The following MMP26 variants were observed in gnomAD, a reference collection of about 807,000 sequenced individuals.
The protein encoded by MMP26 is matrix metalloproteinase-26.
MMP26 carries 33 observed loss-of-function variants against 31.0 expected under a neutral mutation model. That is an observed-to-expected ratio of 1.06 (90% confidence interval 0.81 to 1.42). The LOEUF is 1.42. MMP26 is among the 40% of genes most tolerant of loss of function. MMP26 has a pLI of 0.00. For synonymous variants in MMP26, 122 were observed against 114.9 expected (o/e 1.06, Z -0.40); for missense variants, 347 against 316.1 (o/e 1.10, Z -0.74).
chr11:4,856,587 C>A (rs938826422), intron 2 of MMP26, among the ~76,000 whole-genome samples: 19 of 152,144 alleles, frequency 1.2e-4, no homozygotes, highest in Non-Finnish European at 2.9e-5. Context: ...CCTGAGTGAC[C>A]TACAAAGAGA....
chr11:4,985,348 A>G (rs1330279744), intron 2 of MMP26, among the ~76,000 whole-genome samples: 3 of 152,226 alleles, frequency 2.0e-5, no homozygotes, highest in Non-Finnish European at 4.4e-5. Context: ...GTTATCAGGA[A>G]TAACAATCTC....
chr11:4,804,339 G>A (rs1849233856), intron 2 of MMP26: 1 of 1,614,162 alleles, frequency 6.2e-7, no homozygotes, highest in African/African-American at 1.3e-5. Flanking sequence ...GCAGGATGAA[G>A]GACACAGGAT....
chr11:4,751,532 G>C (rs1848446782), intron 1 of MMP26, among the ~76,000 whole-genome samples: 1 of 152,142 alleles, frequency 6.6e-6, no homozygotes, highest in African/African-American at 2.4e-5. Flanking sequence ...GCATGCATTT[G>C]AAGAAGTCGT....
chr11:4,779,034 C>G (rs1276109726), intron 2 of MMP26, among the ~76,000 whole-genome samples: 2 of 151,992 alleles, frequency 1.3e-5, no homozygotes, highest in African/African-American at 4.8e-5. Context: ...TGTAAATGCA[C>G]AGTCATGTCA....
chr11:4,932,699 T>C (rs1374779760), intron 2 of MMP26, among the ~76,000 whole-genome samples: 1 of 152,112 alleles, frequency 6.6e-6, no homozygotes, highest in South Asian at 2.1e-4. Flanking sequence ...TTTGGATCAC[T>C]TAGTTTTGGA....
intron 2 of MMP26, among the ~76,000 whole-genome samples, chr11:4,815,198 C>T (rs972640078): frequency 6.6e-5 from 10 of 152,136 alleles, no homozygotes; most frequent in Admixed American, 3.3e-4. Flanking sequence ...TCAGTGACTG[C>T]GTTTTTACAT....
At chr11:4,713,145 A>G (rs1469164483) in intron 1 of MMP26, among the ~76,000 whole-genome samples, 1 of 152,052 alleles carries the variant, frequency 6.6e-6, no homozygotes, top group African/African-American at 2.4e-5. Context: ...AGAAAACTGC[A>G]ATATATTAGG....
intron 2 of MMP26, among the ~76,000 whole-genome samples, chr11:4,933,653 G>A (rs1454952979): frequency 5.3e-5 from 8 of 150,156 alleles, no homozygotes; most frequent in South Asian, 2.1e-4. Flanking sequence ...TACATGTGCC[G>A]TGCTGGTGCG....
intron 2 of MMP26, among the ~76,000 whole-genome samples, chr11:4,902,978 T>G (rs2133560520): frequency 6.6e-6 from 1 of 152,112 alleles, no homozygotes; most frequent in South Asian, 2.1e-4. Context: ...GGCTTTCCAT[T>G]ATTTTAACCA....
chr11:4,881,259 A>G (rs1850458000), intron 2 of MMP26, among the ~76,000 whole-genome samples: 1 of 152,036 alleles, frequency 6.6e-6, no homozygotes, highest in Non-Finnish European at 1.5e-5. Context: ...CTCTCCTCTT[A>G]CCGCCTTGCA....
At chr11:4,847,823 A>G (rs888358743) in intron 2 of MMP26, 1 of 155,828 alleles carries the variant, frequency 6.4e-6, no homozygotes, top group Non-Finnish European at 1.4e-5. Flanking sequence ...GAGGTACAAT[A>G]CAAATGGAAG....
intron 2 of MMP26, among the ~76,000 whole-genome samples, chr11:4,799,599 G>C (rs7938153): frequency 3.3e-5 from 5 of 151,844 alleles, no homozygotes; most frequent in Non-Finnish European, 7.4e-5. Context: ...TCCTTCTCAC[G>C]TTGCAAAATA....
At chr11:4,837,957 TA>T (rs35252332) in intron 2 of MMP26, among the ~76,000 whole-genome samples, 12,300 of 151,992 alleles carry the variant, frequency 0.081, 773 homozygotes, top group African/African-American at 0.17. Flanking sequence ...ATAAAAATTT[TA>T]AAATATTAGA....
chr11:4,988,183 T>G lies in MMP26; in HGVS notation c.-29T>G. 6.2e-7 allele frequency: 1 copy of G among 1,601,006 alleles called. No homozygotes were observed. Among genetic ancestry groups the G allele is most frequent in the Non-Finnish European group, 8.6e-7 (1 of 1,168,168 alleles). On this transcript the variant is annotated 5_prime_UTR_variant, in exon 3 of 8. The change creates a new upstream start codon in the 5' untranslated region. Transcript: ENST00000380390. ...AGTGGCCCAAGTTGTGTACCTGAAT[T>G]CAAGCAGTGGGACAAATGAGGGTTT...
intron 2 of MMP26, among the ~76,000 whole-genome samples, chr11:4,986,932 C>CTCTCTCTCTCTCTCCCTCTCTCTCT (rs1564819722): frequency 8.3e-5 from 5 of 60,442 alleles, no homozygotes; most frequent in Non-Finnish European, 1.3e-4. Context: ...TCTCTCTCTC[C>CTCTCTCTCTCTCTCCCTCTCTCTCT]CTCTCTCTCT....
chr11:4,907,687 A>T, intron 2 of MMP26: 1 of 1,613,958 alleles, frequency 6.2e-7, no homozygotes, highest in Non-Finnish European at 8.5e-7. Context: ...TCATTCATGG[A>T]TTCACTGTCA....
intron 2 of MMP26, among the ~76,000 whole-genome samples, chr11:4,834,891 T>G (rs1193521613): frequency 6.6e-6 from 1 of 152,138 alleles, no homozygotes; most frequent in African/African-American, 2.4e-5. Context: ...TTTGGATTAT[T>G]TTGTCTATAT....
In MMP26 at chr11:4,992,068, G is replaced by A. The variant is rs766710684; in HGVS notation, c.700G>A (p.Asp234Asn). The A allele has an allele frequency of 1.9e-5, 31 of 1,613,698 alleles. No homozygotes were observed. Among genetic ancestry groups the A allele is most frequent in the East Asian group, 4.5e-5 (2 of 44,860 alleles). Residue 234 changes from aspartate to asparagine, a missense_variant, in exon 7 of 8, where the codon GAC becomes AAC. Asp to Asn is a conservative substitution (Grantham distance 23, BLOSUM62 1). Coordinates refer to ENST00000380390, the MANE Select transcript of MMP26 (RefSeq NM_021801.5). The part of the protein sequence containing the change: ...SIMYPTYWYH[D>N]PRTFQLSADD... ...AATGTACCCCACTTACTGGTATCAC[G>A]ACCCTAGAACCTTCCAGCTCAGTGC...
intron 2 of MMP26, among the ~76,000 whole-genome samples, chr11:4,982,737 T>A (rs1846832298): frequency 6.6e-6 from 1 of 152,194 alleles, no homozygotes; most frequent in Non-Finnish European, 1.5e-5. Context: ...GACTTTTAAA[T>A]CCCTACGGGA....
Sources: allele counts gnomAD v4.1 joint callset (sites outside exome capture counted in the v4.1 genomes callset), GRCh38; gene constraint gnomAD v4.1.1; transcripts MANE v1.5; gene names NCBI Gene and HGNC (gene_info 2026-07-23, HGNC 2026-07-21).